Variants in DAAM1 observed in about 807,000 individuals in gnomAD.
DAAM1 encodes the protein disheveled-associated activator of morphogenesis 1.
DAAM1 carries 52 observed loss-of-function variants against 130.0 expected under a neutral mutation model. That is an observed-to-expected ratio of 0.40 (90% confidence interval 0.32 to 0.50). The LOEUF is 0.50. Ranked by LOEUF, DAAM1 falls within the 20% of genes least tolerant of loss-of-function variation. The pLI, the probability that DAAM1 is intolerant of heterozygous loss-of-function variation, is 0.61. For missense variants in DAAM1, 1,134 were observed against 1,303.8 expected (o/e 0.87, Z 2.01); for synonymous variants, 452 against 444.5 (o/e 1.02, Z -0.21).
intron 6 of DAAM1, 28 bp from the exon 7 acceptor site, chr14:59,324,100 C>T: frequency 3.8e-6 from 5 of 1,314,562 alleles, no homozygotes; most frequent in Non-Finnish European, 5.0e-6. Context: ...AGTAACGTTT[C>T]AGTCCTTTGT....
At chr14:59,324,292 GTGA>G in intron 7 of DAAM1, 54 bp downstream of exon 7, 1 of 1,415,370 alleles carries the variant, frequency 7.1e-7, no homozygotes, top group Non-Finnish European at 9.3e-7. Flanking sequence ...TTTATAAAAA[GTGA>G]TTATTATGTA....
At chr14:59,233,717 A>G (rs1389992318) in intron 1 of DAAM1, among the ~76,000 whole-genome samples, 1 of 152,176 alleles carries the variant, frequency 6.6e-6, no homozygotes, top group Non-Finnish European at 1.5e-5. Context: ...GCTCATGTCC[A>G]TGTCCTAAAT....
chr14:59,279,287 G>A (rs1883110563), intron 2 of DAAM1, among the ~76,000 whole-genome samples: 1 of 152,106 alleles, frequency 6.6e-6, no homozygotes, highest in African/African-American at 2.4e-5. Flanking sequence ...AGAAATTCAT[G>A]TTAAGAGATA....
intron 18 of DAAM1, among the ~76,000 whole-genome samples, chr14:59,353,023 A>G (rs914624658): frequency 2.0e-5 from 3 of 151,714 alleles, no homozygotes; most frequent in Non-Finnish European, 4.4e-5. Context: ...AAATATATGG[A>G]CAGACTCTGA....
intron 1 of DAAM1, among the ~76,000 whole-genome samples, chr14:59,253,781 C>T (rs1185208433): frequency 6.6e-6 from 1 of 152,164 alleles, no homozygotes; most frequent in Non-Finnish European, 1.5e-5. Context: ...CCCAGGGGAC[C>T]CTGTCTAGGC....
chr14:59,356,730 C>T (rs757826555), intron 20 of DAAM1, among the ~76,000 whole-genome samples: 3 of 152,214 alleles, frequency 2.0e-5, no homozygotes, highest in Non-Finnish European at 4.4e-5. Context: ...AAGCAATCAC[C>T]CATCCCCAAT....
intron 1 of DAAM1, among the ~76,000 whole-genome samples, chr14:59,204,367 A>G (rs1316854063): frequency 6.6e-6 from 1 of 152,192 alleles, no homozygotes; most frequent in Non-Finnish European, 1.5e-5. Context: ...GGCCACCCAC[A>G]TTCTGTTCCA....
chr14:59,257,011 T>C (rs1881924217), intron 1 of DAAM1, among the ~76,000 whole-genome samples: 1 of 152,242 alleles, frequency 6.6e-6, no homozygotes, highest in Non-Finnish European at 1.5e-5. Flanking sequence ...TGAAAAACTA[T>C]GCACCAGCTA....
intron 1 of DAAM1, among the ~76,000 whole-genome samples, chr14:59,220,284 A>G (rs1159462773): frequency 6.6e-6 from 1 of 152,180 alleles, no homozygotes; most frequent in African/African-American, 2.4e-5. Context: ...GATATGTTTT[A>G]CTTTGTTACC....
At chr14:59,320,857 G>T (rs956958611) in intron 5 of DAAM1, among the ~76,000 whole-genome samples, 1 of 152,122 alleles carries the variant, frequency 6.6e-6, no homozygotes, top group Non-Finnish European at 1.5e-5. Context: ...ATTCATTGCT[G>T]CTAGGAATGT....
intron 2 of DAAM1, 107 bp from the exon 3 acceptor site, chr14:59,291,110 A>G (rs993091596): frequency 8.1e-6 from 7 of 860,074 alleles, no homozygotes; most frequent in African/African-American, 1.8e-5. Flanking sequence ...GTTCATTTAA[A>G]TATGTGTTTG....
intron 3 of DAAM1, among the ~76,000 whole-genome samples, chr14:59,297,178 C>A (rs951373370): frequency 6.6e-6 from 1 of 152,212 alleles, no homozygotes; most frequent in Non-Finnish European, 1.5e-5. Context: ...AGGGCTAACT[C>A]CTGGCATGGC....
intron 17 of DAAM1, among the ~76,000 whole-genome samples, chr14:59,349,451 T>C (rs1886204030): frequency 6.6e-6 from 1 of 152,278 alleles, no homozygotes; most frequent in South Asian, 2.1e-4. Context: ...TGACCTGGCC[T>C]GTCCTGATAA....
chr14:59,292,467 C>T (rs1014325717), intron 3 of DAAM1, among the ~76,000 whole-genome samples: 3 of 152,250 alleles, frequency 2.0e-5, no homozygotes, highest in African/African-American at 7.2e-5. Context: ...TAAAGGGACT[C>T]TCTCTAGCAG....
At position 59,363,758 on chromosome 14, in the gene DAAM1, CCTT is replaced by C; in HGVS notation, c.2805_2807del (p.Leu936del). The C allele has an allele frequency of 6.2e-7, 1 of 1,614,024 alleles. No homozygotes were observed. Among genetic ancestry groups the C allele is most frequent in the Non-Finnish European group, 8.5e-7 (1 of 1,179,978 alleles). The stretch of plus-strand genomic sequence containing the variant: ...GCTTCAGCTTCTCTGATGTTGAAGA[CCTT>C]CTAGCAGAAGCTAAAGACCTGGTAA... On this transcript the variant is annotated inframe_deletion, in exon 23 of 25. Coordinates refer to ENST00000360909, the MANE Select transcript of DAAM1 (RefSeq NM_001270520.2).
At chr14:59,199,808 T>A (rs1188273234) in intron 1 of DAAM1, among the ~76,000 whole-genome samples, 1 of 152,174 alleles carries the variant, frequency 6.6e-6, no homozygotes, top group Non-Finnish European at 1.5e-5. Flanking sequence ...CACTGTAGGA[T>A]GTTTAACAGC....
At chr14:59,304,108 T>C (rs977633188) in intron 3 of DAAM1, among the ~76,000 whole-genome samples, 1 of 152,150 alleles carries the variant, frequency 6.6e-6, no homozygotes, top group East Asian at 1.9e-4. Flanking sequence ...CCAAATGGTA[T>C]GGCCCATACT....
intron 18 of DAAM1, 76 bp from the exon 19 acceptor site, chr14:59,353,800 T>C: frequency 7.1e-7 from 1 of 1,399,106 alleles, no homozygotes; most frequent in Non-Finnish European, 9.9e-7. Flanking sequence ...TCTAGGTACC[T>C]CCACCTCCAT....
At chr14:59,254,383 G>A (rs571874633) in intron 1 of DAAM1, among the ~76,000 whole-genome samples, 28 of 152,208 alleles carry the variant, frequency 1.8e-4, no homozygotes, top group Non-Finnish European at 3.7e-4. Flanking sequence ...GAGCTTTGAT[G>A]TGACAAAGCT....
Sources: allele counts gnomAD v4.1 joint callset (sites outside exome capture counted in the v4.1 genomes callset), GRCh38; gene constraint gnomAD v4.1.1; transcripts MANE v1.5; gene names NCBI Gene and HGNC (gene_info 2026-07-23, HGNC 2026-07-21).